The following DTNB variants were observed in gnomAD, a reference collection of about 807,000 sequenced individuals.
The protein encoded by DTNB is DTN-B.
A neutral mutation model predicts 90.7 loss-of-function variants in DTNB; 63 were observed. The observed-to-expected ratio is 0.69, with a 90% CI of 0.57 to 0.86. DTNB has a LOEUF of 0.86. DTNB is among the 40% of genes least tolerant of loss of function. DTNB has a pLI of 0.00. For synonymous variants in DTNB, 277 were observed against 286.7 expected (o/e 0.97, Z 0.34); for missense variants, 744 against 807.1 (o/e 0.92, Z 0.95).
At chr2:25,620,675 A>C (rs888468588) in intron 4 of DTNB, among the ~76,000 whole-genome samples, 5 of 152,160 alleles carry the variant, frequency 3.3e-5, no homozygotes, top group African/African-American at 1.2e-4. Flanking sequence ...AAGAGTAAGT[A>C]AGTGATGGAT....
At chr2:25,548,634 G>C (rs1307283672) in intron 8 of DTNB, among the ~76,000 whole-genome samples, 1 of 152,150 alleles carries the variant, frequency 6.6e-6, no homozygotes, top group African/African-American at 2.4e-5. Flanking sequence ...CTGGAGTGGA[G>C]TAAGGGGGAG....
At chr2:25,399,327 A>C (rs1292133943) in intron 16 of DTNB, 2 of 143,716 alleles carry the variant, frequency 1.4e-5, no homozygotes, top group African/African-American at 2.7e-5. Flanking sequence ...CTGGGATTAC[A>C]GGCGTGAGCC....
intron 9 of DTNB, among the ~76,000 whole-genome samples, chr2:25,503,583 A>G (rs768392460): frequency 2.0e-5 from 3 of 152,134 alleles, no homozygotes; most frequent in Non-Finnish European, 2.9e-5. Flanking sequence ...ACAAAATTCA[A>G]TTGTATTTCT....
chr2:25,531,075 T>C (rs1394354610), intron 9 of DTNB, among the ~76,000 whole-genome samples: 4 of 152,178 alleles, frequency 2.6e-5, no homozygotes, highest in East Asian at 1.9e-4. Flanking sequence ...AACAGCAAAT[T>C]AAGTTGATTT....
intron 16 of DTNB, chr2:25,418,976 G>C (rs1014655609): frequency 6.4e-5 from 10 of 155,440 alleles, no homozygotes; most frequent in Middle Eastern, 3.1e-3. Flanking sequence ...CCCGAGCTCC[G>C]TCTGGAGTAG....
intron 8 of DTNB, among the ~76,000 whole-genome samples, chr2:25,544,088 TAGAA>T (rs1236850055): frequency 6.6e-6 from 1 of 152,130 alleles, no homozygotes; most frequent in African/African-American, 2.4e-5. Flanking sequence ...TTCTATTTCT[TAGAA>T]AGAAACAGGC....
intron 10 of DTNB, among the ~76,000 whole-genome samples, chr2:25,465,093 G>C (rs774626831): frequency 1.3e-5 from 2 of 152,250 alleles, no homozygotes; most frequent in Non-Finnish European, 2.9e-5. Context: ...GAAGAAACAG[G>C]GCCGGGTGCG....
At chr2:25,427,874 T>C (rs543943506) in intron 14 of DTNB, 44 of 300,546 alleles carry the variant, frequency 1.5e-4, no homozygotes, top group African/African-American at 8.9e-4. Context: ...GTATTACTTA[T>C]ATTACCAGAG....
chr2:25,600,646 G>T (rs1390483327), intron 5 of DTNB, among the ~76,000 whole-genome samples: 1 of 152,156 alleles, frequency 6.6e-6, no homozygotes, highest in African/African-American at 2.4e-5. Flanking sequence ...GCCACTAGTG[G>T]TGGAAATATT....
At chr2:25,613,573 G>A (rs1212349180) in intron 4 of DTNB, among the ~76,000 whole-genome samples, 1 of 149,808 alleles carries the variant, frequency 6.7e-6, no homozygotes, top group Non-Finnish European at 1.5e-5. Context: ...TAAAAACAAA[G>A]ACATTACAAT....
intron 6 of DTNB, among the ~76,000 whole-genome samples, chr2:25,594,685 A>G (rs1317713215): frequency 6.6e-6 from 1 of 152,198 alleles, no homozygotes; most frequent in East Asian, 1.9e-4. Context: ...TCTTTAAATA[A>G]TTTTCAGACT....
intron 9 of DTNB, among the ~76,000 whole-genome samples, chr2:25,518,690 T>A (rs2150768872): frequency 6.6e-6 from 1 of 152,306 alleles, no homozygotes; most frequent in South Asian, 2.1e-4. Flanking sequence ...TGCATAGCCC[T>A]CTTTGCTCTT....
intron 8 of DTNB, among the ~76,000 whole-genome samples, chr2:25,571,350 T>C (rs968430976): frequency 6.6e-5 from 10 of 152,264 alleles, no homozygotes; most frequent in African/African-American, 2.4e-4. Flanking sequence ...TCATATCATG[T>C]TATTCTTCTA....
intron 16 of DTNB, among the ~76,000 whole-genome samples, chr2:25,416,343 C>G (rs2149770983): frequency 6.6e-6 from 1 of 152,330 alleles, no homozygotes; most frequent in East Asian, 1.9e-4. Context: ...ATCTAATAAA[C>G]TCTTCATTTT....
intron 9 of DTNB, among the ~76,000 whole-genome samples, chr2:25,516,690 G>C (rs950884170): frequency 6.6e-6 from 1 of 151,508 alleles, no homozygotes; most frequent in African/African-American, 2.4e-5. Flanking sequence ...AGGAGTTCGA[G>C]ACCAGCCTGG....
At chr2:25,460,828 G>T (rs1325601862) in intron 10 of DTNB, among the ~76,000 whole-genome samples, 1 of 152,018 alleles carries the variant, frequency 6.6e-6, no homozygotes, top group Non-Finnish European at 1.5e-5. Context: ...ACCCTTTAAA[G>T]AAGTTTTTCT....
intron 6 of DTNB, among the ~76,000 whole-genome samples, chr2:25,591,322 G>A (rs1031299655): frequency 6.6e-6 from 1 of 152,200 alleles, no homozygotes; most frequent in Non-Finnish European, 1.5e-5. Flanking sequence ...ATAGGGTGGA[G>A]CTTCTGCCTG....
intron 8 of DTNB, among the ~76,000 whole-genome samples, chr2:25,554,949 T>G (rs942183710): frequency 3.3e-5 from 5 of 152,096 alleles, no homozygotes; most frequent in African/African-American, 1.2e-4. Flanking sequence ...AAAATGGGTT[T>G]GGAGGATATG....
chr2:25,443,401 T>C (rs184349191), intron 12 of DTNB, among the ~76,000 whole-genome samples: 290 of 152,258 alleles, frequency 1.9e-3, no homozygotes, highest in African/African-American at 6.6e-3. Flanking sequence ...TACAGGATAA[T>C]AAATAAGACC....
Sources: allele counts gnomAD v4.1 joint callset (sites outside exome capture counted in the v4.1 genomes callset), GRCh38; gene constraint gnomAD v4.1.1; transcripts MANE v1.5; gene names NCBI Gene and HGNC (gene_info 2026-07-23, HGNC 2026-07-21).